Variants in NRDC observed in about 807,000 individuals in gnomAD.
NRDC encodes nardilysin.
NRDC carries 54 observed loss-of-function variants against 147.1 expected under a neutral mutation model. That is an observed-to-expected ratio of 0.37 (90% CI 0.29 to 0.46). NRDC has a LOEUF of 0.46. Ranked by LOEUF, NRDC falls within the 20% of genes least tolerant of loss-of-function variation. The pLI, the probability that NRDC is intolerant of heterozygous loss-of-function variation, is 1.00. For missense variants in NRDC, 1,082 were observed against 1,370.6 expected (o/e 0.79, Z 3.33); for synonymous variants, 440 against 482.1 (o/e 0.91, Z 1.14).
At chr1:51,825,962 G>GC (rs1680425923) in intron 5 of NRDC, among the ~76,000 whole-genome samples, 1 of 152,228 alleles carries the variant, frequency 6.6e-6, no homozygotes, top group Admixed American at 6.5e-5. Flanking sequence ...CTCATGAATG[G>GC]ATTAGTCCCT....
chr1:51,858,097 C>A (rs1252517952), intron 1 of NRDC, among the ~76,000 whole-genome samples: 1 of 152,084 alleles, frequency 6.6e-6, no homozygotes, highest in Non-Finnish European at 1.5e-5. Flanking sequence ...AATGAGGGGT[C>A]CTGAATTAGT....
At chr1:51,867,743 T>G (rs1454457988) in intron 1 of NRDC, among the ~76,000 whole-genome samples, 1 of 152,230 alleles carries the variant, frequency 6.6e-6, no homozygotes, top group Non-Finnish European at 1.5e-5. Flanking sequence ...ACTAGCTATT[T>G]CAGTGTAACA....
At chr1:51,874,220 C>T (rs1258190195) in intron 1 of NRDC, among the ~76,000 whole-genome samples, 1 of 150,670 alleles carries the variant, frequency 6.6e-6, no homozygotes, top group South Asian at 2.1e-4. Flanking sequence ...GGTCTTTTTA[C>T]GAGCAGGTTA....
chr1:51,809,683 G>T (rs776954535), intron 16 of NRDC, among the ~76,000 whole-genome samples: 1 of 152,134 alleles, frequency 6.6e-6, no homozygotes, highest in Admixed American at 6.5e-5. Flanking sequence ...GATCACCTAA[G>T]ATCAGGAGTT....
intron 1 of NRDC, among the ~76,000 whole-genome samples, chr1:51,843,347 G>A (rs114880126): frequency 1.3e-3 from 188 of 148,844 alleles, no homozygotes; most frequent in African/African-American, 4.4e-3. Flanking sequence ...CCTGTTTACC[G>A]TGGAAGAACA....
intron 9 of NRDC, among the ~76,000 whole-genome samples, 175 bp downstream of exon 9, chr1:51,819,625 G>A (rs1019138192): frequency 2.6e-5 from 4 of 152,186 alleles, no homozygotes; most frequent in Admixed American, 2.6e-4. Flanking sequence ...TCTGCAGCTA[G>A]TCAGTGGTCT....
chr1:51,835,557 C>T (rs1680926366), intron 3 of NRDC, among the ~76,000 whole-genome samples: 1 of 149,992 alleles, frequency 6.7e-6, no homozygotes, highest in Non-Finnish European at 1.5e-5. Context: ...ACCTCTACCT[C>T]CCAGGTTCAA....
chr1:51,798,478 A>G, intron 21 of NRDC, 67 bp from the exon 22 acceptor site: 2 of 1,361,070 alleles, frequency 1.5e-6, no homozygotes, highest in Non-Finnish European at 2.0e-6. Flanking sequence ...AGAATAAAGA[A>G]ATGTTTGGTC....
rs1557947009 is a variant in NRDC at position 51,878,513 on chromosome 1, G to A, written c.103C>T (p.Arg35Trp). The A allele has an allele frequency of 6.2e-7, 1 of 1,613,700 alleles. No individual in the cohort carries two copies. The highest frequency in any genetic ancestry group is 8.5e-7 in the Non-Finnish European group (1 of 1,179,916). ...CTGGCAGCAGCAGAGTCTTCGCACC[G>A]ACCCCGCGTTTCGATTCCCCAGAGC... The part of the protein sequence containing the change: ...AALWGIETRG[R>W]CEDSAAARPF... The change falls in exon 1 of 31, where the codon CGG (arginine) becomes TGG (tryptophan). Residue 35 changes from arginine (R) to tryptophan (W), a missense_variant. Arg to Trp is a moderately radical substitution (Grantham distance 101). This residue lies in a region of NRDC where 260 missense variants were observed against 253.2 expected (regional missense o/e 1.03). Coordinates refer to ENST00000352171, the MANE Select transcript of NRDC (RefSeq NM_001101662.2).
At chr1:51,851,312 C>A (rs1681936428) in intron 1 of NRDC, among the ~76,000 whole-genome samples, 1 of 151,984 alleles carries the variant, frequency 6.6e-6, no homozygotes, top group Admixed American at 6.6e-5. Flanking sequence ...TATCCCAGAG[C>A]TGAAGACTGA....
chr1:51,840,214 C>T lies in NRDC; in HGVS notation c.630+12G>A, dbSNP rs147476178. On this transcript the variant is annotated intron_variant, in intron 2 of 30. Coordinates refer to ENST00000352171, the MANE Select transcript of NRDC (RefSeq NM_001101662.2). ...AATTCCCAAATTAGAAGAAAACAGACATGACTCGCACCTGTTTTTCAGTAG... is the reference window on the plus strand; with the variant it reads ...AATTCCCAAATTAGAAGAAAACAGATATGACTCGCACCTGTTTTTCAGTAG... 590 of 1,572,614 alleles carry T rather than the reference C, an allele frequency of 3.8e-4. 6 individuals are homozygous for T. In the East Asian group the frequency reaches 0.012, roughly 32 times the overall value.
In NRDC at chr1:51,803,806, G is replaced by C; in HGVS notation, c.2313+8C>G. 1 of 1,609,284 alleles carries C rather than the reference G, an allele frequency of 6.2e-7. No individual in the cohort carries two copies. The highest frequency in any genetic ancestry group is 8.5e-7 in the Non-Finnish European group (1 of 1,177,508). On this transcript the variant is annotated splice_region_variant and intron_variant, in intron 20 of 30. Coordinates refer to ENST00000352171, the MANE Select transcript of NRDC (RefSeq NM_001101662.2). ...TCTCTATAAGGAAAACAGAGTACTT[G>C]TACTTACAGGTAGTTTGTGGTTAAA...
At chr1:51,877,995 G>C (rs993664512) in intron 1 of NRDC, 16 of 1,283,706 alleles carry the variant, frequency 1.2e-5, no homozygotes, top group African/African-American at 1.5e-5. Flanking sequence ...TTCAGGCTGC[G>C]TTCCTCAAAG....
chr1:51,878,314 G>A lies in NRDC; in HGVS notation c.302C>T (p.Pro101Leu). 6.2e-7 allele frequency: 1 copy of A among 1,613,946 alleles called. No homozygotes were observed. Among genetic ancestry groups the A allele is most frequent in the Non-Finnish European group, 8.5e-7 (1 of 1,179,950 alleles). ...GTCGCTGGGAGACTTGACGATCTCA[G>A]GGTCCCCAGCATTACTGAGAGACCC... Reference protein sequence around the residue: ...RRGSLSNAGDPEIVKSPSDPK... With the variant: ...RRGSLSNAGDLEIVKSPSDPK... Residue 101 changes from proline (P) to leucine (L), a missense_variant, in exon 1 of 31, where the codon CCT (proline) becomes CTT (leucine). Coordinates refer to ENST00000352171, the MANE Select transcript of NRDC (RefSeq NM_001101662.2).
Position 51,790,993 on chromosome 1 carries a change from GA to G in NRDC, c.2961-4del. ...TCTTCTTATCAACAACTTCAGAACT[GA>G]AACAAAACATCTTCAATCAGAACTA... On this transcript the variant is annotated splice_polypyrimidine_tract_variant and splice_region_variant and intron_variant, in intron 27 of 30. Transcript: ENST00000352171. 1.9e-6 allele frequency: 3 copies of G among 1,597,456 alleles called. No homozygotes were observed. Among genetic ancestry groups the G allele is most frequent in the Non-Finnish European group, 2.6e-6 (3 of 1,166,092 alleles).
chr1:51,827,796 C>T lies in NRDC; in HGVS notation c.940G>A (p.Glu314Lys). 2 of 1,613,096 alleles carry T rather than the reference C, an allele frequency of 1.2e-6. No individual in the cohort carries two copies. Among genetic ancestry groups the T allele is most frequent in the Non-Finnish European group, 1.7e-6 (2 of 1,179,180 alleles). Residue 314 changes from glutamate to lysine, a missense_variant and splice_region_variant, in exon 5 of 31, where the codon GAA becomes AAA. Transcript: ENST00000352171. The stretch of plus-strand genomic sequence containing the variant: ...GTTACACATAAAGTACTCCTCTTAC[C>T]ACTATCAACAGCTTCAACTTCACGG... ...IDREVEAVDS[E>K]YQLARPSDAN...
At chr1:51,830,796 CACTT>C in intron 4 of NRDC, among the ~76,000 whole-genome samples, 1 of 152,326 alleles carries the variant, frequency 6.6e-6, no homozygotes, top group Non-Finnish European at 1.5e-5. Flanking sequence ...CTTCCATGCT[CACTT>C]ACTTAACTGG....
At position 51,800,620 on chromosome 1, in the gene NRDC, T is replaced by C. The variant is rs1467655056; in HGVS notation, c.2377A>G (p.Met793Val). Reference protein sequence around the residue: ...EFNSTPAVFTMITEQLKKTYF... With the variant: ...EFNSTPAVFTVITEQLKKTYF... ...GTCTTCTTCAACTGCTCAGTTATCA[T>C]TGTAAAGACAGCTGGTGTGGAATTG... Residue 793 changes from methionine to valine, a missense_variant, in exon 21 of 31, where the codon ATG becomes GTG. Physicochemically the swap from Met to Val is conservative, Grantham distance 21 (BLOSUM62 1). This residue lies in a region of NRDC where 635 missense variants were observed against 923.8 expected (regional missense o/e 0.69). Transcript: ENST00000352171. The C allele has an allele frequency of 6.2e-7, 1 of 1,614,068 alleles. No individual in the cohort carries two copies. Among genetic ancestry groups the C allele is most frequent in the Non-Finnish European group, 8.5e-7 (1 of 1,179,944 alleles).
At chr1:51,830,318 C>A (rs921813753) in intron 4 of NRDC, among the ~76,000 whole-genome samples, 3 of 152,110 alleles carry the variant, frequency 2.0e-5, no homozygotes, top group African/African-American at 7.2e-5. Context: ...TGTAACTATG[C>A]CAGTACTTGA....
Sources: allele counts gnomAD v4.1 joint callset (sites outside exome capture counted in the v4.1 genomes callset), GRCh38; gene constraint gnomAD v4.1.1; regional missense constraint gnomAD v4.1.1; transcripts MANE v1.5; gene names NCBI Gene and HGNC (gene_info 2026-07-23, HGNC 2026-07-21).